The following SLC8A3 variants were observed in gnomAD, a reference collection of about 807,000 sequenced individuals.
The protein encoded by SLC8A3 is solute carrier family 8 member A3.
Under a neutral mutation model 65.4 loss-of-function variants are expected in SLC8A3, and 37 were observed. The ratio of observed to expected loss-of-function variants is 0.57; its 90% CI spans 0.44 to 0.74. The LOEUF is 0.74. Ranked by LOEUF, SLC8A3 falls within the 30% of genes least tolerant of loss-of-function variation. The pLI is 0.00. For missense variants in SLC8A3, 1,112 were observed against 1,172.1 expected (o/e 0.95, Z 0.75); for synonymous variants, 461 against 444.5 (o/e 1.04, Z -0.47).
chr14:70,071,573 A>T (rs8006821), intron 2 of SLC8A3, among the ~76,000 whole-genome samples: 31,447 of 152,090 alleles, frequency 0.21, 3,422 homozygotes, highest in African/African-American at 0.23. Flanking sequence ...AAGAGACGGG[A>T]TTCTGCTGAT....
intron 3 of SLC8A3, among the ~76,000 whole-genome samples, chr14:70,056,937 T>C (rs767053472): frequency 2.0e-5 from 3 of 152,182 alleles, no homozygotes; most frequent in Non-Finnish European, 4.4e-5. Flanking sequence ...GATATCTTAG[T>C]ACAGCCCCTC....
chr14:70,174,662 G>GT (rs10527244), intron 1 of SLC8A3, among the ~76,000 whole-genome samples: 31 of 66,510 alleles, frequency 4.7e-4, no homozygotes, highest in African/African-American at 1.1e-3. Context: ...TTTTTTTTTT[G>GT]TTTTTTTTTT....
intron 2 of SLC8A3, among the ~76,000 whole-genome samples, chr14:70,146,217 TA>T (rs1372213565): frequency 6.6e-6 from 1 of 152,166 alleles, no homozygotes; most frequent in Non-Finnish European, 1.5e-5. Context: ...TAATTGACAT[TA>T]CAGTGGAAGA....
At chr14:70,128,071 C>A (rs1894592740) in intron 2 of SLC8A3, among the ~76,000 whole-genome samples, 2 of 152,148 alleles carry the variant, frequency 1.3e-5, no homozygotes, top group South Asian at 4.1e-4. Flanking sequence ...CAAACTTGTT[C>A]CTCGTTTTTG....
At position 70,092,118 on chromosome 14, in the gene SLC8A3, C is replaced by T. The variant is rs556837807; in HGVS notation, c.1785-31179G>A. On this transcript the variant is annotated intron_variant, in intron 2 of 6. Coordinates refer to ENST00000356921, the MANE Select transcript of SLC8A3 (RefSeq NM_182932.3). ...TTCAAAGGACTTTGATTTTTCTATC[C>T]TTAACATCAGGGCTTTATCACCTTC... Among the ~76,000 whole-genome samples the T allele has an allele frequency of 6.6e-5, 10 of 152,286 alleles. No individual in the cohort carries two copies. The South Asian group carries it at 2.1e-3, about 32-fold the overall frequency.
chr14:70,154,948 G>T (rs1896486962), intron 2 of SLC8A3, among the ~76,000 whole-genome samples: 1 of 134,986 alleles, frequency 7.4e-6, no homozygotes, highest in African/African-American at 2.8e-5. Context: ...GAGACAGAGT[G>T]TCACTCTGTC....
intron 2 of SLC8A3, among the ~76,000 whole-genome samples, chr14:70,102,779 A>G (rs1892624454): frequency 6.6e-6 from 1 of 152,140 alleles, no homozygotes; most frequent in Non-Finnish European, 1.5e-5. Context: ...TAGAGAAAAA[A>G]ATTGAAAAAT....
At chr14:70,185,672 C>A (rs868644102) in intron 1 of SLC8A3, among the ~76,000 whole-genome samples, 1 of 152,206 alleles carries the variant, frequency 6.6e-6, no homozygotes, top group African/African-American at 2.4e-5. Flanking sequence ...CTCATTCAAC[C>A]AACATTTACT....
At chr14:70,058,406 G>A (rs377599724) in intron 3 of SLC8A3, among the ~76,000 whole-genome samples, 8 of 152,220 alleles carry the variant, frequency 5.3e-5, no homozygotes, top group Non-Finnish European at 8.8e-5. Flanking sequence ...GAAATTAACC[G>A]CCTAGAAAAC....
intron 2 of SLC8A3, among the ~76,000 whole-genome samples, chr14:70,101,271 G>C (rs1455838765): frequency 6.6e-6 from 1 of 152,186 alleles, no homozygotes; most frequent in Non-Finnish European, 1.5e-5. Flanking sequence ...TGTGATGGGG[G>C]ATGAAATATA....
In SLC8A3 at chr14:70,166,794, C is replaced by T. The variant is rs1378388701; in HGVS notation, c.1629G>A (p.Glu543=). 6.2e-7 allele frequency: 1 copy of T among 1,614,088 alleles called. No individual in the cohort carries two copies. The highest frequency in any genetic ancestry group is 8.5e-7 in the Non-Finnish European group (1 of 1,179,952). The part of the protein sequence containing the change: ...TFECDTIHVS[E]SIGVMEVKVL... ...CCTTGACCTCCATAACACCAATACTCTCACTGACATGAATAGTATCACATT... is the reference window on the plus strand; with the variant it reads ...CCTTGACCTCCATAACACCAATACTTTCACTGACATGAATAGTATCACATT... Residue 543 remains glutamate, a synonymous_variant, in exon 2 of 7, where the codon GAG becomes GAA. Coordinates refer to ENST00000356921, the MANE Select transcript of SLC8A3 (RefSeq NM_182932.3).
chr14:70,063,925 T>A, intron 2 of SLC8A3: 1 of 1,583,964 alleles, frequency 6.3e-7, no homozygotes. Context: ...ATGTGAATTG[T>A]TTTGCTGTGG....
intron 1 of SLC8A3, among the ~76,000 whole-genome samples, chr14:70,170,360 C>T (rs532511273): frequency 6.6e-6 from 1 of 152,300 alleles, no homozygotes; most frequent in East Asian, 1.9e-4. Flanking sequence ...TGCCATTATT[C>T]TCATTCATCT....
chr14:70,060,695 G>T (rs1379006459), intron 3 of SLC8A3, 141 bp downstream of exon 3: 1 of 762,092 alleles, frequency 1.3e-6, no homozygotes, highest in Non-Finnish European at 2.4e-6. Flanking sequence ...AAATCCATTG[G>T]TCAAAAAGAG....
intron 2 of SLC8A3, among the ~76,000 whole-genome samples, chr14:70,091,000 T>G (rs1891766652): frequency 6.6e-6 from 1 of 152,200 alleles, no homozygotes; most frequent in African/African-American, 2.4e-5. Flanking sequence ...GAGTGCCAGT[T>G]GACAACCCCT....
At chr14:70,143,105 A>G (rs1472717254) in intron 2 of SLC8A3, among the ~76,000 whole-genome samples, 4 of 152,088 alleles carry the variant, frequency 2.6e-5, no homozygotes, top group Admixed American at 1.3e-4. Context: ...GCTGTTGGAG[A>G]CAGGCTTTTG....
intron 2 of SLC8A3, among the ~76,000 whole-genome samples, chr14:70,115,242 G>T (rs1248746595): frequency 6.6e-6 from 1 of 152,136 alleles, no homozygotes; most frequent in African/African-American, 2.4e-5. Context: ...TGCTTTCCCT[G>T]CCCGAGCTTT....
At chr14:70,160,541 G>A (rs1297325982) in intron 2 of SLC8A3, among the ~76,000 whole-genome samples, 6 of 152,116 alleles carry the variant, frequency 3.9e-5, no homozygotes, top group Admixed American at 1.3e-4. Flanking sequence ...TGGTATCCTC[G>A]GAGTAGTTCT....
chr14:70,054,500 T>A (rs939302146), intron 3 of SLC8A3, among the ~76,000 whole-genome samples: 1 of 150,354 alleles, frequency 6.7e-6, no homozygotes, highest in Non-Finnish European at 1.5e-5. Flanking sequence ...ATCTTTGTTA[T>A]GCATTTATGT....
Sources: allele counts gnomAD v4.1 joint callset (sites outside exome capture counted in the v4.1 genomes callset), GRCh38; gene constraint gnomAD v4.1.1; transcripts MANE v1.5; gene names NCBI Gene and HGNC (gene_info 2026-07-23, HGNC 2026-07-21).